BAIAP2L1: variants seen among roughly 807,000 people sequenced by gnomAD.
BAIAP2L1 encodes BAR/IMD domain-containing adapter protein 2-like 1.
Under a neutral mutation model 66.3 loss-of-function variants are expected in BAIAP2L1, and 35 were observed. The ratio of observed to expected loss-of-function variants is 0.53; its 90% CI spans 0.40 to 0.70. BAIAP2L1 has a LOEUF of 0.70. Among genes scored for constraint, BAIAP2L1 ranks in the 30% least tolerant of loss-of-function variants. The probability of loss-of-function intolerance (pLI) is 0.00; values close to 1 mark genes in which losing one functional copy is unlikely to be tolerated. For missense variants in BAIAP2L1, 622 were observed against 656.9 expected, an observed-to-expected ratio of 0.95 and a Z score of 0.58; for synonymous variants, 269 against 248.7, an observed-to-expected ratio of 1.08 and a Z score of -0.77.
At chr7:98,394,420 A>G (rs1803151713) in intron 1 of BAIAP2L1, among the ~76,000 whole-genome samples, 1 of 152,184 alleles carries the variant, frequency 6.6e-6, no homozygotes, top group Non-Finnish European at 1.5e-5. Context: ...GTCTTCTGAC[A>G]TGAAGGATTT....
At chr7:98,300,704 G>A (rs756385641) in intron 12 of BAIAP2L1, among the ~76,000 whole-genome samples, 6 of 152,052 alleles carry the variant, frequency 3.9e-5, no homozygotes, top group East Asian at 1.9e-4. Flanking sequence ...CGTGAGGTGC[G>A]AAGGGTGTGA....
intron 1 of BAIAP2L1, among the ~76,000 whole-genome samples, chr7:98,376,056 T>C (rs1802620523): frequency 6.6e-6 from 1 of 152,198 alleles, no homozygotes; most frequent in Admixed American, 6.5e-5. Flanking sequence ...TACATTTCAC[T>C]CTTACATCTT....
chr7:98,305,143 G>C (rs1419891075), intron 11 of BAIAP2L1, among the ~76,000 whole-genome samples: 2 of 141,824 alleles, frequency 1.4e-5, no homozygotes, highest in Admixed American at 7.5e-5. Context: ...TGCCCGCCTC[G>C]GCCTCCCAAA....
At chr7:98,372,025 A>T (rs762435148) in intron 1 of BAIAP2L1, among the ~76,000 whole-genome samples, 14 of 151,876 alleles carry the variant, frequency 9.2e-5, no homozygotes, top group Non-Finnish European at 1.6e-4. Context: ...CGATCTCCTG[A>T]TCTCGTGATC....
At position 98,355,157 on chromosome 7, in the gene BAIAP2L1, G is replaced by A. The variant is rs758892046; in HGVS notation, c.128-29C>T. 1.2e-5 allele frequency: 18 copies of A among 1,494,050 alleles called. 1 individual carries two copies. Among genetic ancestry groups the A allele is most frequent in the Admixed American group, 1.0e-4 (6 of 58,896 alleles). 92.5% of individuals were successfully genotyped at this position (1,494,050 alleles called of 1,614,324 possible). On this transcript the variant is annotated intron_variant, in intron 2 of 13. Transcript: ENST00000005260. ...GACACAAAAGGTGACACACAAAATCGTCACTTAGACAAGGAAAGGAGGAAG... is the reference window on the plus strand; with the variant it reads ...GACACAAAAGGTGACACACAAAATCATCACTTAGACAAGGAAAGGAGGAAG...
intron 3 of BAIAP2L1, among the ~76,000 whole-genome samples, chr7:98,326,888 C>T (rs1562974683): frequency 6.6e-6 from 1 of 152,050 alleles, no homozygotes; most frequent in Admixed American, 6.6e-5. Flanking sequence ...AAAAAATTAA[C>T]TACACAGTGT....
chr7:98,375,620 G>T (rs1244835934), intron 1 of BAIAP2L1, among the ~76,000 whole-genome samples: 4 of 151,120 alleles, frequency 2.6e-5, no homozygotes, highest in African/African-American at 7.3e-5. Flanking sequence ...ATGGTGGCAG[G>T]CACCTATAAT....
intron 1 of BAIAP2L1, among the ~76,000 whole-genome samples, chr7:98,388,493 AAAAAC>A (rs59981173): frequency 6.6e-6 from 1 of 151,364 alleles, no homozygotes; most frequent in African/African-American, 2.4e-5. Context: ...ACTCCCTCTC[AAAAAC>A]AAAACAAAAC....
intron 1 of BAIAP2L1, chr7:98,385,946 C>T (rs937702470): frequency 1.4e-6 from 2 of 1,468,090 alleles, no homozygotes; most frequent in African/African-American, 1.4e-5. Flanking sequence ...AGCATTTTTA[C>T]TTTTCTAACG....
rs1800906370 is a variant in BAIAP2L1 at position 98,312,388 on chromosome 7, G to A, written c.640-124C>T. 3 of 1,015,982 alleles carry A rather than the reference G, an allele frequency of 3.0e-6. No individual in the cohort carries two copies. The South Asian group carries it at 5.0e-5, about 17-fold the overall frequency. 62.9% of individuals were successfully genotyped at this position (1,015,982 alleles called of 1,614,324 possible). On this transcript the variant is annotated intron_variant, in intron 7 of 13. Coordinates refer to ENST00000005260, the MANE Select transcript of BAIAP2L1 (RefSeq NM_018842.5). ...TAGCACCAGGAGTGTGGGGGCCCTG[G>A]GTTAAACTCGGTGAGCACTTTAAGC...
intron 3 of BAIAP2L1, among the ~76,000 whole-genome samples, chr7:98,324,022 GA>G (rs146612912): frequency 0.033 from 4,900 of 148,634 alleles, 163 homozygotes; most frequent in African/African-American, 0.088. Context: ...TGAAAAGGGG[GA>G]AAAAAAAAAC....
chr7:98,322,272 ATCTGAG>A (rs1226101273), intron 3 of BAIAP2L1, among the ~76,000 whole-genome samples: 2 of 152,126 alleles, frequency 1.3e-5, no homozygotes, highest in East Asian at 3.8e-4. Flanking sequence ...ATCTGAAGAC[ATCTGAG>A]TCTGACACTG....
intron 13 of BAIAP2L1, 150 bp from the exon 14 acceptor site, chr7:98,293,746 GAA>G (rs976319206): frequency 1.2e-5 from 9 of 756,856 alleles, no homozygotes; most frequent in Non-Finnish European, 2.0e-5. Context: ...TTCTGAGTGT[GAA>G]AGTTTTGTTC....
intron 3 of BAIAP2L1, among the ~76,000 whole-genome samples, chr7:98,347,772 T>C (rs1801906726): frequency 6.7e-6 from 1 of 149,832 alleles, no homozygotes; most frequent in Non-Finnish European, 1.5e-5. Context: ...AGCGAAACAA[T>C]GTCTCAAAAA....
chr7:98,339,123 T>C (rs1007844791), intron 3 of BAIAP2L1, among the ~76,000 whole-genome samples: 8 of 151,876 alleles, frequency 5.3e-5, no homozygotes, highest in African/African-American at 1.7e-4. Flanking sequence ...TTCATTTCCC[T>C]TGGGTTGGTG....
At chr7:98,313,269 A>C (rs1177206282) in intron 7 of BAIAP2L1, among the ~76,000 whole-genome samples, 2 of 152,052 alleles carry the variant, frequency 1.3e-5, no homozygotes, top group African/African-American at 4.8e-5. Flanking sequence ...CCACAAAACC[A>C]GTTTTCAGAT....
chr7:98,392,717 G>A (rs552303177), intron 1 of BAIAP2L1, among the ~76,000 whole-genome samples: 1 of 152,238 alleles, frequency 6.6e-6, no homozygotes, highest in South Asian at 2.1e-4. Context: ...ATGGGGATAT[G>A]TACGGAAAAG....
At chr7:98,380,328 C>T (rs375711733) in intron 1 of BAIAP2L1, among the ~76,000 whole-genome samples, 3 of 152,176 alleles carry the variant, frequency 2.0e-5, no homozygotes, top group African/African-American at 4.8e-5. Context: ...AAGACATACC[C>T]AAGACTGGGA....
intron 1 of BAIAP2L1, among the ~76,000 whole-genome samples, chr7:98,399,147 G>T (rs902702012): frequency 6.6e-6 from 1 of 152,168 alleles, no homozygotes; most frequent in African/African-American, 2.4e-5. Context: ...ACAAATGTAG[G>T]AATTTCTCAA....
Sources: gnomAD v4.1 joint callset for allele counts (sites outside exome capture counted in the v4.1 genomes callset) on GRCh38, gnomAD v4.1.1 for gene constraint, MANE v1.5 for transcripts, NCBI Gene and HGNC (gene_info 2026-07-23, HGNC 2026-07-21) for gene names.